Variants in MAK16 observed in about 807,000 individuals in gnomAD.
The protein encoded by MAK16 is MAK16 homolog, also known as protein MAK16 homolog.
Under a neutral mutation model 49.9 loss-of-function variants are expected in MAK16, and 12 were observed. The ratio of observed to expected loss-of-function variants is 0.24; its 90% CI spans 0.15 to 0.39. The LOEUF (loss-of-function observed/expected upper bound fraction) is 0.39, where lower values mean the gene tolerates loss of function less well. MAK16 is among the 10% of genes least tolerant of loss of function. The pLI is 1.00. For synonymous variants in MAK16, 115 were observed against 126.4 expected, an observed-to-expected ratio of 0.91 and a Z score of 0.60; for missense variants, 292 against 363.7, an observed-to-expected ratio of 0.80 and a Z score of 1.60.
Position 33,499,497 on chromosome 8 carries a change from T to C in MAK16, c.*868T>C, listed in dbSNP as rs113597770. ...GGTGCTACTTTAAAAACTGTGTTAA[T>C]GTACTTGCAAATCTCCTGCTGGCTC... On this transcript the variant is annotated 3_prime_UTR_variant, in exon 10 of 10. Coordinates refer to ENST00000360128, the MANE Select transcript of MAK16 (RefSeq NM_032509.4). 2.0e-5 allele frequency: 9 copies of C among 460,882 alleles called. 1 individual carries two copies. Among genetic ancestry groups the C allele is most frequent in the African/African-American group, 4.0e-5 (2 of 50,584 alleles). 28.5% of individuals were successfully genotyped at this position (460,882 alleles called of 1,614,324 possible).
At chr8:33,494,928 G>T (rs956112478) in intron 6 of MAK16, among the ~76,000 whole-genome samples, 2 of 152,020 alleles carry the variant, frequency 1.3e-5, no homozygotes, top group Non-Finnish European at 2.9e-5. Flanking sequence ...ATAGGCGCCC[G>T]CTAACATGCC....
At position 33,498,605 on chromosome 8, in the gene MAK16, C is replaced by G. The variant is rs559503511; in HGVS notation, c.879C>G (p.Pro293=). The change falls in exon 10 of 10, where the codon CCC becomes CCG. Residue 293 remains proline (P), a synonymous_variant. Transcript: ENST00000360128. ...TAGAATACGAGCAGGAGACAGAGCCCGTGGCCAAAGCCAAAACCACGTGAT... is the reference window on the plus strand; with the variant it reads ...TAGAATACGAGCAGGAGACAGAGCCGGTGGCCAAAGCCAAAACCACGTGAT... ...VEIEYEQETE[P]VAKAKTT is the part of the protein sequence containing the mutation. 1.2e-6 allele frequency: 2 copies of G among 1,613,388 alleles called. No individual in the cohort carries two copies. The highest frequency in any genetic ancestry group is 1.1e-5 in the South Asian group (1 of 91,046).
chr8:33,490,235 G>A, intron 5 of MAK16, 50 bp from the exon 6 acceptor site: 1 of 1,461,662 alleles, frequency 6.8e-7, no homozygotes, highest in Non-Finnish European at 9.5e-7. Context: ...TCCTTAAAAA[G>A]GAACACAGCA....
intron 1 of MAK16, among the ~76,000 whole-genome samples, chr8:33,486,568 T>C (rs1808691167): frequency 6.6e-6 from 1 of 152,146 alleles, no homozygotes. Context: ...ATAAATTTTT[T>C]TAAAAACGAA....
At chr8:33,487,141 C>T (rs1808700922) in intron 1 of MAK16, among the ~76,000 whole-genome samples, 1 of 152,154 alleles carries the variant, frequency 6.6e-6, no homozygotes, top group African/African-American at 2.4e-5. Flanking sequence ...CTTACGCATG[C>T]TATGTGGCCT....
intron 1 of MAK16, 98 bp downstream of exon 1, chr8:33,485,319 C>G: frequency 6.7e-7 from 1 of 1,502,708 alleles, no homozygotes; most frequent in Non-Finnish European, 9.3e-7. Context: ...GGTCTGTTGC[C>G]TCGTGCCGCT....
chr8:33,490,462 AT>A, intron 6 of MAK16, 123 bp downstream of exon 6: 1 of 640,198 alleles, frequency 1.6e-6, no homozygotes, highest in Non-Finnish European at 2.7e-6. Context: ...ATAGATAACT[AT>A]TAGTTGCCTA....
Position 33,495,632 on chromosome 8 carries a change from G to A in MAK16, c.522+16G>A. ...ACAAGATACGGTGAGAAAGCCATTA[G>A]CTTTGGGGTACTGAAATTTTAAGTG... is the stretch of plus-strand genomic sequence containing the variant. On this transcript the variant is annotated intron_variant, in intron 7 of 9. Transcript: ENST00000360128. The A allele has an allele frequency of 6.5e-7, 1 of 1,533,078 alleles. No individual in the cohort carries two copies. Among genetic ancestry groups the A allele is most frequent in the Non-Finnish European group, 8.8e-7 (1 of 1,131,424 alleles). 95.0% of individuals were successfully genotyped at this position (1,533,078 alleles called of 1,614,324 possible). A position where few individuals can be genotyped will look rare whatever the true frequency, so the allele number is the denominator to read the frequency against.
chr8:33,494,907 T>C (rs1012606075), intron 6 of MAK16, among the ~76,000 whole-genome samples: 2 of 152,038 alleles, frequency 1.3e-5, no homozygotes, highest in Non-Finnish European at 2.9e-5. Context: ...GCCTCCCGAG[T>C]AGCTGGGACT....
chr8:33,499,587 A>G lies in MAK16; in HGVS notation c.*958A>G, dbSNP rs548870345. The G allele has an allele frequency of 1.1e-4, 29 of 274,562 alleles. No homozygotes were observed. Among genetic ancestry groups the G allele is most frequent in the Middle Eastern group, 1.3e-3 (1 of 766 alleles). 17.0% of individuals were successfully genotyped at this position (274,562 alleles called of 1,614,324 possible). On this transcript the variant is annotated 3_prime_UTR_variant, in exon 10 of 10. Transcript: ENST00000360128. ...ATCTAGGGCTTGAAAACTGCCCAAG[A>G]TTAAAGAGCTAAGATGAAATAGTTT...
At position 33,496,754 on chromosome 8, in the gene MAK16, T is replaced by G. The variant is rs760817872; in HGVS notation, c.639+13T>G. The G allele has an allele frequency of 2.5e-6, 4 of 1,585,236 alleles. 1 individual carries two copies. In the South Asian group the frequency reaches 4.5e-5, roughly 18 times the overall value. ...TGATGATGAGGAAGTAAGTCTTGTT[T>G]TTGTTTTGCCAAACCTACTAGATAC... On this transcript the variant is annotated intron_variant, in intron 8 of 9. Coordinates refer to ENST00000360128, the MANE Select transcript of MAK16 (RefSeq NM_032509.4).
At chr8:33,497,383 G>T in intron 9 of MAK16, 86 bp downstream of exon 9, 1 of 1,017,274 alleles carries the variant, frequency 9.8e-7, no homozygotes, top group Non-Finnish European at 1.5e-6. Context: ...CAGGCACCGT[G>T]GTTCACTCCT....
chr8:33,500,218 A>G lies in MAK16; in HGVS notation c.*1589A>G, dbSNP rs1439835872. The G allele has an allele frequency of 2.1e-5, 27 of 1,291,848 alleles. No homozygotes were observed. The highest frequency in any genetic ancestry group is 2.2e-4 in the Middle Eastern group (1 of 4,602). The allele number at this position is 1,291,848 out of a possible 1,614,324, so 80.0% of individuals were successfully genotyped here. On this transcript the variant is annotated 3_prime_UTR_variant, in exon 10 of 10. Transcript: ENST00000360128. ...CTCATATGGAGATCTAAAACCCTCC[A>G]TGTTCATTTCCAGACTTGGTCAGGC...
At chr8:33,490,490 A>G (rs569193508) in intron 6 of MAK16, 151 bp downstream of exon 6, 27 of 529,932 alleles carry the variant, frequency 5.1e-5, no homozygotes, top group African/African-American at 4.9e-4. Flanking sequence ...TTAATTTTTC[A>G]TATTTTAAGA....
In MAK16 at chr8:33,489,039, C is replaced by T. The variant is rs750005915; in HGVS notation, c.292C>T (p.Leu98=). Residue 98 remains leucine, a synonymous_variant, in exon 5 of 10, where the codon CTG becomes TTG. Coordinates refer to ENST00000360128, the MANE Select transcript of MAK16 (RefSeq NM_032509.4). The surrounding 1 kb of genome is among the most constrained non-coding windows in gnomAD (Gnocchi z 4.2). ...EKALEQIDEN[L]IYWPRFIRHK... The stretch of plus-strand genomic sequence containing the variant: ...AGCACTGGAGCAAATAGATGAAAAT[C>T]TGATTTACTGGCCCCGTTTCATTCG... 1.2e-6 allele frequency: 2 copies of T among 1,614,100 alleles called. No homozygotes were observed. The highest frequency in any genetic ancestry group is 2.2e-5 in the South Asian group (2 of 91,082).
chr8:33,486,954 C>G (rs1033361368), intron 1 of MAK16, among the ~76,000 whole-genome samples: 2 of 152,170 alleles, frequency 1.3e-5, no homozygotes. Context: ...AAGCCACAAG[C>G]CTAAAAGAGC....
chr8:33,489,343 C>A lies in MAK16; in HGVS notation c.392+204C>A. 2.0e-6 allele frequency: 1 copy of A among 510,708 alleles called. No homozygotes were observed. Among genetic ancestry groups the A allele is most frequent in the South Asian group, 3.1e-5 (1 of 32,592 alleles). 31.6% of individuals were successfully genotyped at this position (510,708 alleles called of 1,614,324 possible). The stretch of plus-strand genomic sequence containing the variant: ...AAACAGTAGAATACAACTTGATTAT[C>A]ACCCTCCTTGTCTGAAAATCTTTCA... On this transcript the variant is annotated intron_variant, in intron 5 of 9. Transcript: ENST00000360128. This position sits in a 1 kb window ranked among gnomAD's most constrained non-coding sequence, Gnocchi z 4.2.
intron 1 of MAK16, 80 bp from the exon 2 acceptor site, chr8:33,488,298 C>G: frequency 2.9e-6 from 4 of 1,385,850 alleles, no homozygotes; most frequent in Non-Finnish European, 4.1e-6. Flanking sequence ...TCATTCCTGT[C>G]CTTGGGCATT....
At chr8:33,495,797 A>G (rs1434322194) in intron 7 of MAK16, among the ~76,000 whole-genome samples, 181 bp downstream of exon 7, 2 of 140,962 alleles carry the variant, frequency 1.4e-5, no homozygotes, top group South Asian at 2.2e-4. Context: ...GCTCACTGCA[A>G]CCTCTGCCTC....
Sources: allele counts gnomAD v4.1 joint callset (sites outside exome capture counted in the v4.1 genomes callset), GRCh38; gene constraint gnomAD v4.1.1; non-coding constraint Gnocchi (gnomAD v3.1); transcripts MANE v1.5; gene names NCBI Gene and HGNC (gene_info 2026-07-23, HGNC 2026-07-21).